SYMPK: variants seen among roughly 807,000 people sequenced by gnomAD.
SYMPK encodes the protein symplekin scaffold protein, also known as symplekin.
SYMPK carries 49 observed loss-of-function variants against 136.4 expected under a neutral mutation model. The observed-to-expected ratio is 0.36, with a 90% CI of 0.29 to 0.46. The LOEUF is 0.46. Among genes scored for constraint, SYMPK ranks in the 20% least tolerant of loss-of-function variants. The probability of loss-of-function intolerance (pLI) is 1.00; values close to 1 mark genes in which losing one functional copy is unlikely to be tolerated. For synonymous variants in SYMPK, 766 were observed against 713.0 expected (o/e 1.07, Z -1.19); for missense variants, 1,365 against 1,690.0 (o/e 0.81, Z 3.37).
chr19:45,821,077 A>G lies in SYMPK; in HGVS notation c.2893+307T>C. Reference sequence around the variant, plus strand: ...CTGCTTCCTTCTGTTCCTCGGGGCTAGGGGTGGGGCTACCCAACTGCTTTA... The same window carrying G: ...CTGCTTCCTTCTGTTCCTCGGGGCTGGGGGTGGGGCTACCCAACTGCTTTA... On this transcript the variant is annotated intron_variant, in intron 22 of 26. Coordinates refer to ENST00000245934, the MANE Select transcript of SYMPK (RefSeq NM_004819.3). The surrounding 1 kb of genome is among the most constrained non-coding windows in gnomAD (Gnocchi z 4.4). 1.6e-6 allele frequency: 1 copy of G among 639,148 alleles called. No homozygotes were observed. Among genetic ancestry groups the G allele is most frequent in the Non-Finnish European group, 2.8e-6 (1 of 357,190 alleles). The allele number at this position is 639,148 out of a possible 1,614,324, so 39.6% of individuals were successfully genotyped here. A position where few individuals can be genotyped will look rare whatever the true frequency, so the allele number is the denominator to read the frequency against.
At chr19:45,819,183 T>TGGG (rs1970827864) in intron 22 of SYMPK, 1 of 152,320 alleles carries the variant, frequency 6.6e-6, no homozygotes. Context: ...CCCTGTCGGC[T>TGGG]TTGCCCCAGC....
In SYMPK at chr19:45,822,819, G is replaced by A. The variant is rs1034415019; in HGVS notation, c.2728C>T (p.Leu910Phe). 1.2e-6 allele frequency: 2 copies of A among 1,613,836 alleles called. No individual in the cohort carries two copies. The highest frequency in any genetic ancestry group is 1.3e-5 in the African/African-American group (1 of 74,910). The change falls in exon 21 of 27, where the codon CTC becomes TTC. Residue 910 changes from leucine to phenylalanine, a missense_variant. Transcript: ENST00000245934. ...KKEVIQALPK[L>F]IKLNPIVVKE... Reference sequence around the variant, plus strand: ...ACCACGATGGGGTTGAGTTTGATGAGTTTAGGCAGGGCCTGGATCACCTCT... The same window carrying A: ...ACCACGATGGGGTTGAGTTTGATGAATTTAGGCAGGGCCTGGATCACCTCT...
At chr19:45,857,265 CCGGGCATGGTGG>C (rs1230926540) in intron 1 of SYMPK, among the ~76,000 whole-genome samples, 5 of 148,628 alleles carry the variant, frequency 3.4e-5, no homozygotes, top group African/African-American at 5.0e-5. Context: ...AAAAAATATG[CCGGGCATGGTGG>C]CGGGCGCCTG....
At chr19:45,849,442 G>A (rs1971646317) in intron 5 of SYMPK, among the ~76,000 whole-genome samples, 1 of 152,028 alleles carries the variant, frequency 6.6e-6, no homozygotes, top group African/African-American at 2.4e-5. Flanking sequence ...AAAAATGAAG[G>A]GCCTCCAACA....
chr19:45,830,476 G>C, intron 12 of SYMPK: 1 of 411,048 alleles, frequency 2.4e-6, no homozygotes, highest in African/African-American at 2.0e-5. Flanking sequence ...ACAAATGTCT[G>C]GGGGACCAGC....
At chr19:45,818,274 C>T (rs556622286) in intron 22 of SYMPK, 128 bp from the exon 23 acceptor site, 38 of 979,284 alleles carry the variant, frequency 3.9e-5, no homozygotes, top group East Asian at 1.4e-4. Flanking sequence ...AAAGCCCCTG[C>T]GGGAGAGAGG....
intron 1 of SYMPK, 32 bp from the exon 2 acceptor site, chr19:45,854,539 G>C (rs1971776145): frequency 6.3e-7 from 1 of 1,581,262 alleles, no homozygotes; most frequent in African/African-American, 1.3e-5. Flanking sequence ...GATGGATCAA[G>C]CTCAGGGAAC....
chr19:45,821,618 G>C lies in SYMPK; in HGVS notation c.2792-133C>G. The stretch of plus-strand genomic sequence containing the variant: ...CTCTGCTTTCAGGGCTGGAACAGGG[G>C]AAGCGACTGACAACATAAAAAGGGG... On this transcript the variant is annotated intron_variant, in intron 21 of 26. Coordinates refer to ENST00000245934, the MANE Select transcript of SYMPK (RefSeq NM_004819.3). This position sits in a 1 kb window ranked among gnomAD's most constrained non-coding sequence, Gnocchi z 4.4. 6.0e-6 allele frequency: 4 copies of C among 665,558 alleles called. No homozygotes were observed. Among genetic ancestry groups the C allele is most frequent in the South Asian group, 1.7e-5 (1 of 59,104 alleles). The allele number at this position is 665,558 out of a possible 1,614,324, so 41.2% of individuals were successfully genotyped here.
chr19:45,852,679 C>T, intron 3 of SYMPK, 144 bp from the exon 4 acceptor site: 1 of 1,000,846 alleles, frequency 1.0e-6, no homozygotes, highest in Non-Finnish European at 1.5e-6. Context: ...CTTCTCCCTA[C>T]CAAGGGTGCT....
At position 45,853,104 on chromosome 19, in the gene SYMPK, GC is replaced by G. The variant is rs1357130096; in HGVS notation, c.172-570del. 3.3e-5 allele frequency among the ~76,000 whole-genome samples: 5 copies of G among 152,294 alleles called. No individual in the cohort carries two copies. In the East Asian group the frequency reaches 9.7e-4, roughly 29 times the overall value. ...GGCTGCTACAACTCAAGCTACTATT[GC>G]TAAACGGCCTCATGACCACCCATGG... is the stretch of plus-strand genomic sequence containing the variant. On this transcript the variant is annotated intron_variant, in intron 3 of 26. Coordinates refer to ENST00000245934, the MANE Select transcript of SYMPK (RefSeq NM_004819.3).
intron 1 of SYMPK, among the ~76,000 whole-genome samples, chr19:45,856,903 G>C (rs1489379614): frequency 2.0e-5 from 3 of 151,982 alleles, no homozygotes; most frequent in Non-Finnish European, 2.9e-5. Flanking sequence ...GAACACCTGA[G>C]GTCAGGAGTT....
chr19:45,848,365 C>G (rs1462867455), intron 6 of SYMPK, among the ~76,000 whole-genome samples: 2 of 152,194 alleles, frequency 1.3e-5, no homozygotes, highest in African/African-American at 4.8e-5. Context: ...TGTTCTTTTC[C>G]TATCACACTC....
Position 45,847,767 on chromosome 19 carries a change from G to C in SYMPK, c.661C>G (p.Pro221Ala). 6.2e-7 allele frequency: 1 copy of C among 1,613,764 alleles called. No individual in the cohort carries two copies. Among genetic ancestry groups the C allele is most frequent in the Non-Finnish European group, 8.5e-7 (1 of 1,179,942 alleles). ...CAGTACTCACTGTACTGGATGTAGGGGTGGTCACGAGGGATGCGGTCCAGG... is the reference window on the plus strand; with the variant it reads ...CAGTACTCACTGTACTGGATGTAGGCGTGGTCACGAGGGATGCGGTCCAGG... ...ISLDRIPRDHPYIQYNVLWEE... is the reference protein window; with the variant it reads ...ISLDRIPRDHAYIQYNVLWEE... The change falls in exon 7 of 27, where the codon CCC becomes GCC. Residue 221 changes from proline to alanine, a missense_variant. Coordinates refer to ENST00000245934, the MANE Select transcript of SYMPK (RefSeq NM_004819.3).
chr19:45,852,811 G>C (rs1225133313), intron 3 of SYMPK, among the ~76,000 whole-genome samples: 1 of 152,164 alleles, frequency 6.6e-6, no homozygotes, highest in Non-Finnish European at 1.5e-5. Flanking sequence ...GGTCCTGGTA[G>C]ATAGTGAGGA....
At chr19:45,851,350 C>T (rs1177428754) in intron 5 of SYMPK, among the ~76,000 whole-genome samples, 1 of 152,054 alleles carries the variant, frequency 6.6e-6, no homozygotes, top group Non-Finnish European at 1.5e-5. Context: ...CCAAGGTGGG[C>T]CAATCACTTG....
intron 1 of SYMPK, among the ~76,000 whole-genome samples, chr19:45,860,633 T>C (rs1020789454): frequency 4.6e-5 from 7 of 152,080 alleles, no homozygotes; most frequent in African/African-American, 1.7e-4. Flanking sequence ...TTAATATACA[T>C]GAGTTAGGTT....
rs1970963225 is a variant in SYMPK, at chr19:45,823,672, G to A, written c.2599+95C>T. 10 of 1,158,164 alleles carry A rather than the reference G, an allele frequency of 8.6e-6. No homozygotes were observed. The South Asian group carries it at 9.3e-5, about 11-fold the overall frequency. The allele number at this position is 1,158,164 out of a possible 1,614,324, so 71.7% of individuals were successfully genotyped here. On this transcript the variant is annotated intron_variant, in intron 19 of 26. Coordinates refer to ENST00000245934, the MANE Select transcript of SYMPK (RefSeq NM_004819.3). ...ACAGGCACAGACCCGCAAGAGGTAC[G>A]ACCATCTGGGGACCCAGCAGCTCAG...
Position 45,816,228 on chromosome 19 carries a change from C to T in SYMPK, c.3355-45G>A, listed in dbSNP as rs551122271. On this transcript the variant is annotated intron_variant, in intron 25 of 26. Coordinates refer to ENST00000245934, the MANE Select transcript of SYMPK (RefSeq NM_004819.3). ...CACAGAAGCTCAGAGGTGGGTGGCT[C>T]AGAGGACGGCCGGAAAGAGAAGGAA... is the stretch of plus-strand genomic sequence containing the variant. 4.5e-5 allele frequency: 61 copies of T among 1,369,186 alleles called. 1 individual carries two copies. The South Asian group carries it at 8.7e-4, about 20-fold the overall frequency. 84.8% of individuals were successfully genotyped at this position (1,369,186 alleles called of 1,614,324 possible). A position where few individuals can be genotyped will look rare whatever the true frequency, so the allele number is the denominator to read the frequency against.
chr19:45,829,732 T>C (rs763624946), intron 13 of SYMPK, among the ~76,000 whole-genome samples: 1 of 152,138 alleles, frequency 6.6e-6, no homozygotes, highest in African/African-American at 2.4e-5. Flanking sequence ...TAAAGCTAAA[T>C]AGTAACAGTA....
Sources: allele counts gnomAD v4.1 joint callset (sites outside exome capture counted in the v4.1 genomes callset), GRCh38; gene constraint gnomAD v4.1.1; non-coding constraint Gnocchi (gnomAD v3.1); transcripts MANE v1.5; gene names NCBI Gene and HGNC (gene_info 2026-07-23, HGNC 2026-07-21).